The following GPATCH1 variants were observed in gnomAD, a reference collection of about 807,000 sequenced individuals.
GPATCH1 encodes G-patch domain containing 1, also known as G patch domain-containing protein 1.
A neutral mutation model predicts 114.9 loss-of-function variants in GPATCH1; 73 were observed. That is an observed-to-expected ratio of 0.64 (90% CI 0.53 to 0.77). GPATCH1 has a LOEUF of 0.77. GPATCH1 is among the 30% of genes least tolerant of loss of function. The pLI is 0.00. For missense variants in GPATCH1, 1,058 were observed against 1,144.3 expected (o/e 0.92, Z 1.09); for synonymous variants, 391 against 428.4 (o/e 0.91, Z 1.08).
chr19:33,101,744 C>A (rs1322137325), intron 9 of GPATCH1, among the ~76,000 whole-genome samples, 170 bp downstream of exon 9: 1 of 152,098 alleles, frequency 6.6e-6, no homozygotes, highest in Non-Finnish European at 1.5e-5. Context: ...ATTAGAAATA[C>A]CAGGGCGAGG....
Position 33,106,875 on chromosome 19 carries a change from T to C in GPATCH1, c.1261T>C (p.Leu421=), listed in dbSNP as rs1972791093. Residue 421 remains leucine, a synonymous_variant, in exon 10 of 20, where the codon TTG becomes CTG. Transcript: ENST00000170564. ...ACTGAATGCCTCCAAACGGGCTGAG[T>C]TGCTTGGAGAGACGCCTATTCAAGG... The part of the protein sequence containing the change: ...HQLNASKRAE[L]LGETPIQGSA... The C allele has an allele frequency of 6.2e-7, 1 of 1,613,776 alleles. No individual in the cohort carries two copies. Among genetic ancestry groups the C allele is most frequent in the Non-Finnish European group, 8.5e-7 (1 of 1,179,854 alleles).
At chr19:33,096,982 G>A (rs2145312001) in intron 7 of GPATCH1, among the ~76,000 whole-genome samples, 1 of 138,860 alleles carries the variant, frequency 7.2e-6, no homozygotes, top group East Asian at 2.2e-4. Context: ...TTTGACTCTT[G>A]TTGCCCAGGC....
At chr19:33,085,195 A>G (rs1972523275) in intron 1 of GPATCH1, among the ~76,000 whole-genome samples, 1 of 152,058 alleles carries the variant, frequency 6.6e-6, no homozygotes, top group Admixed American at 6.6e-5. Flanking sequence ...GGCTGCTTGC[A>G]TGGCAAGGCC....
intron 15 of GPATCH1, among the ~76,000 whole-genome samples, chr19:33,116,444 A>G (rs1972916642): frequency 6.6e-6 from 1 of 152,202 alleles, no homozygotes; most frequent in East Asian, 1.9e-4. Flanking sequence ...AATTGCCATT[A>G]TCTGAGAATG....
rs368737385 is a variant in GPATCH1, at chr19:33,122,544, C to T, written c.2522-2561C>T. Among the ~76,000 whole-genome samples, 26 of 151,864 alleles carry T rather than the reference C, an allele frequency of 1.7e-4. No individual in the cohort carries two copies. The East Asian group carries it at 2.9e-3, about 17-fold the overall frequency. On this transcript the variant is annotated intron_variant, in intron 17 of 19. Coordinates refer to ENST00000170564, the MANE Select transcript of GPATCH1 (RefSeq NM_018025.3). ...TTCACCATGTTAGCCAGGATGGTCT[C>T]GATCTCCTGAACTTGTGATCTGCCC...
At position 33,110,008 on chromosome 19, in the gene GPATCH1, G is replaced by T. The variant is rs944917785; in HGVS notation, c.1577G>T (p.Gly526Val). 1.9e-6 allele frequency: 3 copies of T among 1,604,196 alleles called. No homozygotes were observed. The highest frequency in any genetic ancestry group is 2.6e-6 in the Non-Finnish European group (3 of 1,173,832). Residue 526 changes from glycine (G) to valine (V), a missense_variant, in exon 11 of 20, where the codon GGT becomes GTT. Gly to Val is a moderately radical substitution (Grantham distance 109). Transcript: ENST00000170564. ...GAGTTCTTAGTACACATGAAACAGG[G>T]TCAGAAAGGTGGGTGCTGGGCCTGG... The part of the protein sequence containing the change: ...YDEFLVHMKQ[G>V]QKDALERCLD...
rs965308511 is a variant in GPATCH1, at chr19:33,097,860, C to T, written c.958C>T (p.Leu320Phe). 4 of 1,614,066 alleles carry T rather than the reference C, an allele frequency of 2.5e-6. No individual in the cohort carries two copies. Among genetic ancestry groups the T allele is most frequent in the Non-Finnish European group, 2.5e-6 (3 of 1,179,940 alleles). Residue 320 changes from leucine to phenylalanine, a missense_variant, in exon 8 of 20, where the codon CTC becomes TTC. Leu to Phe is a conservative substitution (Grantham distance 22). This residue lies in a region of GPATCH1 where 893 missense variants were observed against 977.4 expected (regional missense o/e 0.91). Transcript: ENST00000170564. ...GAAGGACGAGGAGCCTGGAGACGGA[C>T]TCTATGGCTGGACAGCACCCAGGCA... ...VLKDEEPGDG[L>F]YGWTAPRQYK...
At chr19:33,096,622 A>C (rs1384781742) in intron 7 of GPATCH1, among the ~76,000 whole-genome samples, 176 bp downstream of exon 7, 1 of 151,610 alleles carries the variant, frequency 6.6e-6, no homozygotes, top group African/African-American at 2.4e-5. Flanking sequence ...TTGCCATTTC[A>C]TTATTACCAT....
At chr19:33,087,683 A>ATT (rs147397881) in intron 1 of GPATCH1, among the ~76,000 whole-genome samples, 14 of 138,064 alleles carry the variant, frequency 1.0e-4, no homozygotes, top group African/African-American at 2.7e-4. Flanking sequence ...TGACATTATA[A>ATT]TTTTTTTTTT....
chr19:33,122,128 C>T (rs987232593), intron 17 of GPATCH1, among the ~76,000 whole-genome samples: 1 of 151,698 alleles, frequency 6.6e-6, no homozygotes, highest in African/African-American at 2.4e-5. Context: ...AGGTGATTCT[C>T]CTTCCTCAGC....
At position 33,088,112 on chromosome 19, in the gene GPATCH1, CTTTTTTTTTTT is replaced by C; in HGVS notation, c.74-13_74-3del. 1 of 1,021,030 alleles carries C rather than the reference CTTTTTTTTTTT, an allele frequency of 9.8e-7. No homozygotes were observed. The highest frequency in any genetic ancestry group is 2.3e-5 in the South Asian group (1 of 43,984). 63.2% of individuals were successfully genotyped at this position (1,021,030 alleles called of 1,614,324 possible). On this transcript the variant is annotated splice_polypyrimidine_tract_variant and intron_variant, in intron 1 of 19. Transcript: ENST00000170564. ...TCTCCTCTCTTTTTCATTTAAAAAA[CTTTTTTTTTTT>C]TTTTTTTTAGGTGAAAGACCAAAGA... is the stretch of plus-strand genomic sequence containing the variant.
chr19:33,091,403 G>A (rs1441481414), intron 3 of GPATCH1, among the ~76,000 whole-genome samples: 1 of 108,462 alleles, frequency 9.2e-6, no homozygotes, highest in African/African-American at 3.9e-5. Flanking sequence ...GACAGAGCAA[G>A]ACTCCGTCTC....
chr19:33,119,932 T>C (rs1972958491), intron 17 of GPATCH1, among the ~76,000 whole-genome samples: 1 of 145,420 alleles, frequency 6.9e-6, no homozygotes, highest in African/African-American at 2.5e-5. Context: ...ATAAAAATTA[T>C]ATATATTTTT....
intron 16 of GPATCH1, among the ~76,000 whole-genome samples, chr19:33,118,703 T>G (rs1972943311): frequency 6.6e-6 from 1 of 152,164 alleles, no homozygotes; most frequent in Non-Finnish European, 1.5e-5. Context: ...GGCCCTTTCT[T>G]GGGGACACAT....
chr19:33,121,443 C>T (rs1314127835), intron 17 of GPATCH1, among the ~76,000 whole-genome samples: 2 of 151,874 alleles, frequency 1.3e-5, no homozygotes, highest in Non-Finnish European at 2.9e-5. Flanking sequence ...CCTCACCCTC[C>T]CAAGTAGCTG....
rs748064162 is a variant in GPATCH1 at position 33,088,132 on chromosome 19, A to G, written c.74-2A>G. On this transcript the variant is annotated splice_acceptor_variant, in intron 1 of 19. Coordinates refer to ENST00000170564, the MANE Select transcript of GPATCH1 (RefSeq NM_018025.3). LOFTEE classifies it high-confidence loss of function. ...AAAAACTTTTTTTTTTTTTTTTTTT[A>G]GGTGAAAGACCAAAGAAACCAATCC... 8 of 825,174 alleles carry G rather than the reference A, an allele frequency of 9.7e-6. No individual in the cohort carries two copies. The highest frequency in any genetic ancestry group is 4.5e-5 in the Admixed American group (1 of 22,038). 51.1% of individuals were successfully genotyped at this position (825,174 alleles called of 1,614,324 possible).
intron 11 of GPATCH1, among the ~76,000 whole-genome samples, chr19:33,111,145 G>C (rs1173094877): frequency 6.6e-6 from 1 of 151,550 alleles, no homozygotes; most frequent in East Asian, 2.0e-4. Context: ...TGATTATCCT[G>C]CCTCAGCCTT....
At chr19:33,124,119 G>C (rs972473618) in intron 17 of GPATCH1, among the ~76,000 whole-genome samples, 33 of 152,086 alleles carry the variant, frequency 2.2e-4, no homozygotes, top group Non-Finnish European at 4.9e-4. Context: ...CTCCCAAAGT[G>C]CTGGGATTAC....
chr19:33,109,414 G>A (rs1599860598), intron 10 of GPATCH1, among the ~76,000 whole-genome samples: 2 of 152,190 alleles, frequency 1.3e-5, no homozygotes, highest in Admixed American at 6.6e-5. Context: ...GCTACTCGGT[G>A]GGGATGAGAC....
Sources: allele counts gnomAD v4.1 joint callset (sites outside exome capture counted in the v4.1 genomes callset), GRCh38; gene constraint gnomAD v4.1.1; regional missense constraint gnomAD v4.1.1; transcripts MANE v1.5; gene names NCBI Gene and HGNC (gene_info 2026-07-23, HGNC 2026-07-21).